The following TMEM38B variants were observed in gnomAD, a reference collection of about 807,000 sequenced individuals.
TMEM38B encodes transmembrane protein 38B.
TMEM38B carries 24 observed loss-of-function variants against 28.7 expected under a neutral mutation model. The observed-to-expected ratio is 0.84, with a 90% confidence interval of 0.61 to 1.18. The LOEUF is 1.18. Among genes scored for constraint, TMEM38B ranks in the 50% most tolerant of loss-of-function variants. The probability of loss-of-function intolerance (pLI) is 0.00; values close to 1 mark genes in which losing one functional copy is unlikely to be tolerated. For missense variants in TMEM38B, 380 were observed against 350.9 expected (o/e 1.08, Z -0.66); for synonymous variants, 131 against 127.7 (o/e 1.03, Z -0.17).
intron 4 of TMEM38B, among the ~76,000 whole-genome samples, chr9:105,746,545 T>C (rs1837402049): frequency 6.6e-6 from 1 of 152,196 alleles, no homozygotes; most frequent in Non-Finnish European, 1.5e-5. Context: ...TGACTTCCTC[T>C]TTTCCTAACT....
chr9:105,745,554 GGTA>G (rs1174243162), intron 4 of TMEM38B, among the ~76,000 whole-genome samples: 10 of 152,072 alleles, frequency 6.6e-5, no homozygotes, highest in African/African-American at 2.4e-4. Flanking sequence ...TCACTCTGAT[GGTA>G]GTTTCTTTTG....
At chr9:105,772,506 A>T (rs1403091362) in intron 5 of TMEM38B, among the ~76,000 whole-genome samples, 1 of 152,156 alleles carries the variant, frequency 6.6e-6, no homozygotes, top group Non-Finnish European at 1.5e-5. Context: ...CTTGAATAGT[A>T]GCCCCATCAG....
At chr9:105,710,724 G>T (rs1014661638) in intron 2 of TMEM38B, 3 of 620,192 alleles carry the variant, frequency 4.8e-6, no homozygotes, top group Non-Finnish European at 9.3e-6. Context: ...ACCTGGTGTC[G>T]TTGGCTATGT....
chr9:105,761,622 A>G (rs996290841), intron 5 of TMEM38B, among the ~76,000 whole-genome samples: 3 of 152,202 alleles, frequency 2.0e-5, no homozygotes, highest in Admixed American at 6.5e-5. Context: ...ATCAGGGCAT[A>G]TAGAATCATT....
At chr9:105,723,413 T>G (rs888512171) in intron 4 of TMEM38B, among the ~76,000 whole-genome samples, 34 of 151,764 alleles carry the variant, frequency 2.2e-4, no homozygotes, top group East Asian at 9.7e-4. Flanking sequence ...ATTGTATTTT[T>G]TTTTTTTTTT....
At chr9:105,731,966 CTGT>C (rs1836767913) in intron 4 of TMEM38B, among the ~76,000 whole-genome samples, 1 of 152,116 alleles carries the variant, frequency 6.6e-6, no homozygotes, top group Non-Finnish European at 1.5e-5. Flanking sequence ...TCTCCAGCAC[CTGT>C]TGTTTCCTGA....
intron 4 of TMEM38B, among the ~76,000 whole-genome samples, chr9:105,740,134 T>A (rs1837142324): frequency 6.6e-6 from 1 of 152,072 alleles, no homozygotes; most frequent in Admixed American, 6.5e-5. Flanking sequence ...CCACCCGCCT[T>A]GGCCTCCGAA....
At chr9:105,745,913 G>A (rs1390487121) in intron 4 of TMEM38B, among the ~76,000 whole-genome samples, 2 of 152,078 alleles carry the variant, frequency 1.3e-5, no homozygotes, top group African/African-American at 4.8e-5. Context: ...TTATTTCTGA[G>A]GGCTCTGTTC....
chr9:105,724,609 G>C (rs1025416366), intron 4 of TMEM38B, among the ~76,000 whole-genome samples: 2 of 148,634 alleles, frequency 1.3e-5, no homozygotes, highest in African/African-American at 2.5e-5. Flanking sequence ...GGTGACAGAG[G>C]TGAGACTCTG....
At chr9:105,756,346 C>G (rs945902151) in intron 5 of TMEM38B, among the ~76,000 whole-genome samples, 1 of 152,054 alleles carries the variant, frequency 6.6e-6, no homozygotes, top group Non-Finnish European at 1.5e-5. Flanking sequence ...GCATTCTTGT[C>G]TTTTTCTTGA....
At chr9:105,766,099 A>G (rs1399808843) in intron 5 of TMEM38B, among the ~76,000 whole-genome samples, 1 of 152,156 alleles carries the variant, frequency 6.6e-6, no homozygotes, top group East Asian at 1.9e-4. Context: ...GTGCCCAGCC[A>G]GACATGTATT....
intron 4 of TMEM38B, among the ~76,000 whole-genome samples, chr9:105,739,388 T>C (rs1247579578): frequency 6.6e-6 from 1 of 152,000 alleles, no homozygotes; most frequent in Non-Finnish European, 1.5e-5. Context: ...GTAAAAATCC[T>C]AGGTAATTTT....
At chr9:105,730,010 A>T (rs1350837852) in intron 4 of TMEM38B, among the ~76,000 whole-genome samples, 4 of 152,220 alleles carry the variant, frequency 2.6e-5, no homozygotes, top group Non-Finnish European at 5.9e-5. Flanking sequence ...ATATACAATC[A>T]TGTCATCTGA....
chr9:105,746,283 G>T (rs1227713345), intron 4 of TMEM38B, among the ~76,000 whole-genome samples: 1 of 152,028 alleles, frequency 6.6e-6, no homozygotes, highest in East Asian at 1.9e-4. Flanking sequence ...TCCTTGAAGA[G>T]GTCCTTCACA....
chr9:105,719,234 C>A (rs943345826), intron 2 of TMEM38B, among the ~76,000 whole-genome samples: 8 of 152,106 alleles, frequency 5.3e-5, no homozygotes, highest in Non-Finnish European at 1.0e-4. Flanking sequence ...TTTATTCTTT[C>A]GTTATTTTTT....
chr9:105,698,715 C>T (rs1835365383), intron 1 of TMEM38B, among the ~76,000 whole-genome samples: 2 of 151,958 alleles, frequency 1.3e-5, no homozygotes, highest in Non-Finnish European at 2.9e-5. Flanking sequence ...TCAGTTTGGG[C>T]CCAAGGTTAT....
chr9:105,770,947 G>C (rs1418099056), intron 5 of TMEM38B, among the ~76,000 whole-genome samples: 1 of 152,132 alleles, frequency 6.6e-6, no homozygotes, highest in Non-Finnish European at 1.5e-5. Context: ...AGGCACTATA[G>C]AGAATATCAA....
chr9:105,750,954 G>C (rs1837627743), intron 5 of TMEM38B, among the ~76,000 whole-genome samples: 1 of 152,152 alleles, frequency 6.6e-6, no homozygotes, highest in South Asian at 2.1e-4. Flanking sequence ...CTGTAAATTT[G>C]AGGGTTTATT....
intron 5 of TMEM38B, chr9:105,760,233 A>G: frequency 1.2e-6 from 1 of 845,328 alleles, no homozygotes; most frequent in South Asian, 1.3e-5. Flanking sequence ...TTCATGATGC[A>G]ATGGGCATGA....
Sources: gnomAD v4.1 joint callset for allele counts (sites outside exome capture counted in the v4.1 genomes callset) on GRCh38, gnomAD v4.1.1 for gene constraint, MANE v1.5 for transcripts, NCBI Gene and HGNC (gene_info 2026-07-23, HGNC 2026-07-21) for gene names.